IL1RAPL1: variants seen among roughly 807,000 people sequenced by gnomAD.
IL1RAPL1 encodes interleukin-1 receptor accessory protein-like 1.
A neutral mutation model predicts 48.4 loss-of-function variants in IL1RAPL1; 3 were observed. The observed-to-expected ratio is 0.06, with a 90% CI of 0.03 to 0.16. The LOEUF is 0.16. Ranked by LOEUF, IL1RAPL1 falls within the 10% of genes least tolerant of loss-of-function variation. IL1RAPL1 has a pLI of 1.00. For missense variants in IL1RAPL1, 349 were observed against 530.6 expected (o/e 0.66, Z 3.36); for synonymous variants, 185 against 187.7 (o/e 0.99, Z 0.12).
At chrX:28,698,878 G>C (rs1417918598) in intron 1 of IL1RAPL1, among the ~76,000 whole-genome samples, 1 of 112,106 alleles carries the variant, frequency 8.9e-6, no homozygotes, top group Non-Finnish European at 1.9e-5. Context: ...GGCATGCAAA[G>C]CTAGAGAATA....
chrX:29,509,856 C>T (rs866826866), intron 5 of IL1RAPL1, among the ~76,000 whole-genome samples: 12 of 111,933 alleles, frequency 1.1e-4, no homozygotes, highest in Non-Finnish European at 2.1e-4. Flanking sequence ...ATGATCTGTT[C>T]GTTATAAATT....
intron 1 of IL1RAPL1, among the ~76,000 whole-genome samples, chrX:28,706,841 G>T (rs1935379727): frequency 8.9e-6 from 1 of 112,142 alleles, no homozygotes; most frequent in African/African-American, 3.2e-5. Context: ...TTTAAATTAT[G>T]TACCAGATTT....
intron 2 of IL1RAPL1, among the ~76,000 whole-genome samples, chrX:29,101,357 A>G (rs910347498): frequency 1.8e-5 from 2 of 112,090 alleles, no homozygotes; most frequent in Non-Finnish European, 3.8e-5. Flanking sequence ...CGAAGCTGTA[A>G]TAACAATCTT....
At chrX:29,474,258 C>G (rs1450014691) in intron 5 of IL1RAPL1, among the ~76,000 whole-genome samples, 1 of 111,957 alleles carries the variant, frequency 8.9e-6, no homozygotes, top group Non-Finnish European at 1.9e-5. Context: ...TAATGTGTGT[C>G]TTTGTATGTA....
chrX:29,152,339 T>C (rs1406662124), intron 2 of IL1RAPL1, among the ~76,000 whole-genome samples: 1 of 111,795 alleles, frequency 8.9e-6, no homozygotes, highest in Non-Finnish European at 1.9e-5. Flanking sequence ...ACATCTTTGC[T>C]GGAGAAAGCT....
At chrX:29,792,398 G>A (rs958095348) in intron 6 of IL1RAPL1, among the ~76,000 whole-genome samples, 1 of 111,151 alleles carries the variant, frequency 9.0e-6, no homozygotes, top group Non-Finnish European at 1.9e-5. Context: ...CACAATTATG[G>A]TGGTTGGAAG....
At chrX:28,849,363 G>C (rs952167878) in intron 2 of IL1RAPL1, among the ~76,000 whole-genome samples, 37 of 111,695 alleles carry the variant, frequency 3.3e-4, no homozygotes, top group African/African-American at 1.2e-3. Flanking sequence ...GAAGCTGCAA[G>C]ATTATCAAGA....
At chrX:29,553,483 A>G (rs891904469) in intron 5 of IL1RAPL1, among the ~76,000 whole-genome samples, 20 of 111,860 alleles carry the variant, frequency 1.8e-4, no homozygotes, top group African/African-American at 6.2e-4. Context: ...ATCATCATAA[A>G]TTAAATCACA....
At chrX:29,332,954 A>G (rs1273173156) in intron 3 of IL1RAPL1, among the ~76,000 whole-genome samples, 1 of 110,561 alleles carries the variant, frequency 9.0e-6, no homozygotes, top group African/African-American at 3.3e-5. Context: ...CAGAGAGCAC[A>G]GGGTTGGGGG....
At chrX:29,540,912 AAAAC>A (rs1332266067) in intron 5 of IL1RAPL1, among the ~76,000 whole-genome samples, 1 of 112,203 alleles carries the variant, frequency 8.9e-6, no homozygotes, top group Non-Finnish European at 1.9e-5. Flanking sequence ...AATTGCAACA[AAAAC>A]AAAAATTGAC....
intron 2 of IL1RAPL1, among the ~76,000 whole-genome samples, chrX:29,215,082 T>G (rs1315370222): frequency 8.9e-6 from 1 of 111,745 alleles, no homozygotes; most frequent in East Asian, 2.8e-4. Flanking sequence ...GTGCGGTGGC[T>G]CATGCCTGTA....
At chrX:28,655,906 A>G (rs1934742952) in intron 1 of IL1RAPL1, among the ~76,000 whole-genome samples, 1 of 112,118 alleles carries the variant, frequency 8.9e-6, no homozygotes, top group African/African-American at 3.2e-5. Flanking sequence ...TCTAGAAAAG[A>G]AGACAGGTGA....
chrX:28,809,028 C>T (rs1432363326), intron 2 of IL1RAPL1, among the ~76,000 whole-genome samples: 2 of 110,049 alleles, frequency 1.8e-5, no homozygotes, highest in Middle Eastern at 4.3e-3. Flanking sequence ...TATTTTTGGT[C>T]GGGTTGTCCA....
intron 5 of IL1RAPL1, among the ~76,000 whole-genome samples, chrX:29,505,534 GT>G (rs1341183514): frequency 2.8e-5 from 3 of 107,248 alleles, no homozygotes; most frequent in Non-Finnish European, 5.8e-5. Context: ...TTGAATGGCA[GT>G]TTTTTTTTTC....
At chrX:28,994,337 AG>A (rs1211063077) in intron 2 of IL1RAPL1, among the ~76,000 whole-genome samples, 2 of 111,762 alleles carry the variant, frequency 1.8e-5, no homozygotes, top group Non-Finnish European at 3.8e-5. Context: ...AGATATAGGA[AG>A]CTTTGTATGC....
rs765396355 is a variant in IL1RAPL1, at chrX:29,554,170, A to G, written c.704-114260A>G. On this transcript the variant is annotated intron_variant, in intron 5 of 10. Transcript: ENST00000378993. ...AGTAGAATGGAATGCAGTAAAACCA[A>G]CAAAAACGATGGAACAACAGAGCCT... 3.6e-5 allele frequency among the ~76,000 whole-genome samples: 4 copies of G among 111,022 alleles called. No individual in the cohort carries two copies. In the South Asian group the frequency reaches 1.2e-3, roughly 32 times the overall value.
Position 28,805,945 on chromosome X carries a change from T to C in IL1RAPL1, c.82+16520T>C, listed in dbSNP as rs1009940758. On this transcript the variant is annotated intron_variant, in intron 2 of 10. Coordinates refer to ENST00000378993, the MANE Select transcript of IL1RAPL1 (RefSeq NM_014271.4). ...GTACTCAGTACATCTTTGTATTTCATTTCTGGATTTAAGAACACTGAAAAA... is the reference window on the plus strand; with the variant it reads ...GTACTCAGTACATCTTTGTATTTCACTTCTGGATTTAAGAACACTGAAAAA... Among the ~76,000 whole-genome samples, 3 of 110,223 alleles carry C rather than the reference T, an allele frequency of 2.7e-5. No homozygotes were observed. In the Admixed American group the frequency reaches 2.9e-4, roughly 11 times the overall value.
At chrX:29,280,018 T>C (rs1444190703) in intron 2 of IL1RAPL1, among the ~76,000 whole-genome samples, 1 of 112,069 alleles carries the variant, frequency 8.9e-6, no homozygotes, top group East Asian at 2.8e-4. Context: ...CCTTTTTCAC[T>C]AGCAGCGATA....
At chrX:28,786,337 C>T (rs910294878) in intron 1 of IL1RAPL1, among the ~76,000 whole-genome samples, 7 of 110,086 alleles carry the variant, frequency 6.4e-5, no homozygotes, top group Non-Finnish European at 1.1e-4. Flanking sequence ...TGGTGGTGGG[C>T]GCCTGTAATC....
Sources: gnomAD v4.1 joint callset for allele counts (sites outside exome capture counted in the v4.1 genomes callset) on GRCh38, gnomAD v4.1.1 for gene constraint, MANE v1.5 for transcripts, NCBI Gene and HGNC (gene_info 2026-07-23, HGNC 2026-07-21) for gene names.